The following SRP19 variants were observed in gnomAD, a reference collection of about 807,000 sequenced individuals.
SRP19 encodes signal recognition particle 19 kDa protein.
SRP19 carries 11 observed loss-of-function variants against 22.4 expected under a neutral mutation model. That is an observed-to-expected ratio of 0.49 (90% CI 0.31 to 0.81). The LOEUF is 0.81. Ranked by LOEUF, SRP19 falls within the 40% of genes least tolerant of loss-of-function variation. The pLI is 0.05. For synonymous variants in SRP19, 61 were observed against 57.6 expected (o/e 1.06, Z -0.27); for missense variants, 168 against 175.9 (o/e 0.96, Z 0.25).
chr5:112,864,255 A>C (rs1243316960), intron 2 of SRP19, among the ~76,000 whole-genome samples: 2 of 152,164 alleles, frequency 1.3e-5, no homozygotes, highest in African/African-American at 2.4e-5. Flanking sequence ...GTTCTGTTGG[A>C]GGGGAGATGG....
intron 4 of SRP19, chr5:112,877,285 G>T (rs1767926957): frequency 2.0e-5 from 3 of 152,170 alleles, no homozygotes; most frequent in African/African-American, 7.2e-5. Flanking sequence ...GTTATCTCAA[G>T]GTGAGCTAAT....
chr5:112,865,796 G>T (rs1767583824), intron 4 of SRP19, among the ~76,000 whole-genome samples: 1 of 152,198 alleles, frequency 6.6e-6, no homozygotes, highest in Admixed American at 6.5e-5. Context: ...GTTTCGCCAT[G>T]TTGGCCAGAA....
chr5:112,894,105 TGTTTTTTTG>T (rs1249911222), downstream of SRP19: 2 of 146,932 alleles, frequency 1.4e-5, no homozygotes, highest in African/African-American at 5.4e-5. Flanking sequence ...TGGTTGGTTT[TGTTTTTTTG>T]GTTTTTTTTG....
downstream of SRP19, chr5:112,894,563 T>C (rs1214900726): frequency 2.6e-5 from 4 of 152,224 alleles, no homozygotes; most frequent in Non-Finnish European, 4.4e-5. Context: ...ATCAGAATCC[T>C]TGGTGGACAT....
intron 4 of SRP19, among the ~76,000 whole-genome samples, chr5:112,875,723 C>G (rs1186310607): frequency 6.6e-6 from 1 of 151,456 alleles, no homozygotes; most frequent in East Asian, 1.9e-4. Flanking sequence ...AAAACAAGTA[C>G]AGCATAATTT....
At chr5:112,872,218 T>G (rs1157616669), downstream of SRP19, among the ~76,000 whole-genome samples, 1 of 152,094 alleles carries the variant, frequency 6.6e-6, no homozygotes, top group Non-Finnish European at 1.5e-5. Context: ...AAAGTATGGT[T>G]GAAGGACCAG....
chr5:112,878,108 C>G (rs2545166), intron 4 of SRP19: 97,597 of 151,948 alleles, frequency 0.64, 31,665 homozygotes, highest in East Asian at 0.82. Flanking sequence ...CCATATACTA[C>G]GGAAACAACC....
At position 112,889,418 on chromosome 5, in the gene SRP19, A is replaced by T. The variant is rs191923003; in HGVS notation, c.302-2185A>T. Among the ~76,000 whole-genome samples the T allele has an allele frequency of 4.5e-3, 682 of 151,060 alleles. 19 individuals are homozygous for T. Among genetic ancestry groups the T allele is most frequent in the Middle Eastern group, 0.01 (3 of 292 alleles). On this transcript the variant is annotated intron_variant, in intron 4 of 4. Coordinates refer to the SRP19 transcript ENST00000391338. ...AATAGCTCATTAGCAATATTAATAC[A>T]TACAAATTACTTAAGGCAAAATAAG...
In SRP19 at chr5:112,892,482, G is replaced by A. The variant is rs753608329; in HGVS notation, c.*875G>A. 62 of 1,614,012 alleles carry A rather than the reference G, an allele frequency of 3.8e-5. No homozygotes were observed. The East Asian group carries it at 4.2e-4, about 11-fold the overall frequency. Reference sequence around the variant, plus strand: ...GCAATGTATATGTTCAGTACCAGTCGGAAGAAGAATGCCAAGCAGCCCTTT... The same window carrying A: ...GCAATGTATATGTTCAGTACCAGTCAGAAGAAGAATGCCAAGCAGCCCTTT... On this transcript the variant is annotated 3_prime_UTR_variant, in exon 5 of 5. Coordinates refer to the SRP19 transcript ENST00000391338.
intron 2 of SRP19, 146 bp from the exon 3 acceptor site, chr5:112,864,311 A>T: frequency 1.5e-6 from 1 of 653,512 alleles, no homozygotes; most frequent in Non-Finnish European, 2.6e-6. Flanking sequence ...TTTTAAAATT[A>T]CAATAGAAGC....
intron 4 of SRP19, among the ~76,000 whole-genome samples, chr5:112,886,720 G>A (rs1400842941): frequency 1.3e-5 from 2 of 152,156 alleles, no homozygotes; most frequent in Non-Finnish European, 2.9e-5. Context: ...TAGAAGAGAT[G>A]GACTTGCATA....
chr5:112,869,260 G>A lies in SRP19; in HGVS notation c.*1723G>A, dbSNP rs897331690. On this transcript the variant is annotated 3_prime_UTR_variant, in exon 5 of 5. Transcript: ENST00000505459. ...ATGATTATTGTTCCTGCTTGTAAAAGGGCTGATATTTACATGAGTGCAAGG... is the reference window on the plus strand; with the variant it reads ...ATGATTATTGTTCCTGCTTGTAAAAAGGCTGATATTTACATGAGTGCAAGG... 1 of 152,156 alleles carries A rather than the reference G, an allele frequency of 6.6e-6. No homozygotes were observed. The highest frequency in any genetic ancestry group is 2.4e-5 in the African/African-American group (1 of 41,440). 9.4% of individuals were successfully genotyped at this position (152,156 alleles called of 1,614,324 possible).
chr5:112,891,524 A>C, intron 4 of SRP19: 1 of 1,420,556 alleles, frequency 7.0e-7, no homozygotes, highest in South Asian at 1.3e-5. Flanking sequence ...ACAAAACAAT[A>C]CTAGAAAACA....
rs897439805 is a variant in SRP19, at chr5:112,869,092, A to G, written c.*1555A>G. 6.6e-6 allele frequency: 1 copy of G among 152,232 alleles called. No homozygotes were observed. The highest frequency in any genetic ancestry group is 2.4e-5 in the African/African-American group (1 of 41,452). 9.4% of individuals were successfully genotyped at this position (152,232 alleles called of 1,614,324 possible). A position where few individuals can be genotyped will look rare whatever the true frequency, so the allele number is the denominator to read the frequency against. On this transcript the variant is annotated 3_prime_UTR_variant, in exon 5 of 5. Transcript: ENST00000505459. ...TAAGGGGATGTGTTTGCTGTGTAAC[A>G]AAACAATGAAGGATTTAAGCAGGAT... is the stretch of plus-strand genomic sequence containing the variant.
chr5:112,894,770 A>G (rs752640744), downstream of SRP19: 2 of 152,248 alleles, frequency 1.3e-5, no homozygotes, highest in Admixed American at 6.5e-5. Context: ...TTACATTGAC[A>G]TGTAATACAT....
At chr5:112,877,582 G>GTAAAC (rs1767936330) in intron 4 of SRP19, 2 of 152,162 alleles carry the variant, frequency 1.3e-5, no homozygotes, top group Non-Finnish European at 2.9e-5. Flanking sequence ...ACTCTGACTT[G>GTAAAC]TAAACTAGGG....
Position 112,868,350 on chromosome 5 carries a change from A to G in SRP19, c.*813A>G, listed in dbSNP as rs1244090578. The G allele has an allele frequency of 7.1e-6, 7 of 990,108 alleles. No individual in the cohort carries two copies. The highest frequency in any genetic ancestry group is 8.4e-6 in the Non-Finnish European group (7 of 833,456). The allele number at this position is 990,108 out of a possible 1,614,324, so 61.3% of individuals were successfully genotyped here. On this transcript the variant is annotated 3_prime_UTR_variant, in exon 5 of 5. Coordinates refer to ENST00000505459, the MANE Select transcript of SRP19 (RefSeq NM_003135.3). ...GAGGCCTGGTTTAGCTCTTCCTTGAATTCTGCAAGCTATCTCATATTTTCA... is the reference window on the plus strand; with the variant it reads ...GAGGCCTGGTTTAGCTCTTCCTTGAGTTCTGCAAGCTATCTCATATTTTCA...
intron 4 of SRP19, among the ~76,000 whole-genome samples, chr5:112,888,900 G>GGA (rs1768345534): frequency 6.6e-6 from 1 of 150,796 alleles, no homozygotes; most frequent in Admixed American, 6.6e-5. Flanking sequence ...GTTGTGGAAA[G>GGA]GACAGGGTGA....
chr5:112,890,338 G>A (rs893174619), intron 4 of SRP19, among the ~76,000 whole-genome samples: 17 of 145,888 alleles, frequency 1.2e-4, no homozygotes, highest in Non-Finnish European at 2.1e-4. Context: ...AAATTAGTAA[G>A]AATACAGAAT....
Sources: gnomAD v4.1 joint callset for allele counts (sites outside exome capture counted in the v4.1 genomes callset) on GRCh38, gnomAD v4.1.1 for gene constraint, MANE v1.5 for transcripts, NCBI Gene and HGNC (gene_info 2026-07-23, HGNC 2026-07-21) for gene names.